Variants in SAMD5 observed in about 807,000 individuals in gnomAD.
SAMD5 encodes sterile alpha motif domain containing 5.
SAMD5 carries 13 observed loss-of-function variants against 11.3 expected under a neutral mutation model. The observed-to-expected ratio is 1.15, with a 90% CI of 0.75 to 1.83. The LOEUF (loss-of-function observed/expected upper bound fraction) is 1.83, where lower values mean the gene tolerates loss of function less well. SAMD5 is among the 40% of genes most tolerant of loss of function. The probability of loss-of-function intolerance (pLI) is 0.00; values close to 1 mark genes in which losing one functional copy is unlikely to be tolerated. For synonymous variants in SAMD5, 129 were observed against 111.3 expected (o/e 1.16, Z -1.00); for missense variants, 255 against 239.1 (o/e 1.07, Z -0.44).
Position 147,635,066 on chromosome 6 carries a change from T to C in SAMD5, c.163-102251T>C, listed in dbSNP as rs190470875. On this transcript the variant is annotated intron_variant, in intron 1 of 1. Coordinates refer to the SAMD5 transcript ENST00000566741. ...AAATGTTAAGAGTACCCATCACAGA[T>C]CACATACAAAATTTTGGCAGAGATA... Among the ~76,000 whole-genome samples, 103 of 152,298 alleles carry C rather than the reference T, an allele frequency of 6.8e-4. 1 individual carries two copies. The highest frequency in any genetic ancestry group is 2.3e-3 in the African/African-American group (94 of 41,554).
intron 1 of SAMD5, among the ~76,000 whole-genome samples, chr6:147,666,207 G>A (rs567336375): frequency 1.3e-5 from 2 of 152,330 alleles, no homozygotes; most frequent in South Asian, 4.1e-4. Flanking sequence ...GAAGTGCTCG[G>A]ATTATAGGCG....
chr6:147,763,630 G>C, the SAMD5 span, among the ~76,000 whole-genome samples: 1 of 152,086 alleles, frequency 6.6e-6, no homozygotes, highest in African/African-American at 2.4e-5. Flanking sequence ...GCCCAGGCTG[G>C]AGTGCAGTGG....
intron 1 of SAMD5, among the ~76,000 whole-genome samples, chr6:147,693,372 G>A (rs1459031556): frequency 1.3e-5 from 2 of 152,182 alleles, no homozygotes; most frequent in South Asian, 2.1e-4. Context: ...CTGTCAGGAC[G>A]CTGACAGGGC....
the SAMD5 span, among the ~76,000 whole-genome samples, chr6:147,857,341 C>CAA: frequency 3.0e-5 from 4 of 135,310 alleles, no homozygotes; most frequent in Non-Finnish European, 4.8e-5. Context: ...CTGTCTGTAC[C>CAA]AAAAAAAAAA....
chr6:147,893,639 A>T, the SAMD5 span, among the ~76,000 whole-genome samples: 1 of 152,134 alleles, frequency 6.6e-6, no homozygotes, highest in Admixed American at 6.5e-5. Context: ...GCAGCACAGG[A>T]TCTATTGACA....
chr6:147,948,278 G>GAAA, the SAMD5 span, among the ~76,000 whole-genome samples: 37 of 138,234 alleles, frequency 2.7e-4, no homozygotes, highest in Non-Finnish European at 3.9e-4. Flanking sequence ...TGCAAGGAGA[G>GAAA]AAAAAAAAAA....
chr6:147,824,061 C>G, the SAMD5 span, among the ~76,000 whole-genome samples: 1 of 152,320 alleles, frequency 6.6e-6, no homozygotes, highest in African/African-American at 2.4e-5. Context: ...AAAATGCAGA[C>G]CATCCCCTGA....
At chr6:147,830,247 CTTTCTTTTTTTTTTT>C in the SAMD5 span, among the ~76,000 whole-genome samples, 2 of 116,238 alleles carry the variant, frequency 1.7e-5, no homozygotes, top group African/African-American at 6.7e-5. Flanking sequence ...TTCTTTCTTT[CTTTCTTTTTTTTTTT>C]TTTTTTTTTT....
At chr6:147,582,230 G>A (rs531503050) in intron 1 of SAMD5, among the ~76,000 whole-genome samples, 43 of 151,998 alleles carry the variant, frequency 2.8e-4, no homozygotes, top group East Asian at 1.9e-3. Context: ...ATGGTGGTGC[G>A]CACCTGTAAT....
At chr6:147,704,156 A>G (rs1331396335) in intron 1 of SAMD5, among the ~76,000 whole-genome samples, 1 of 152,110 alleles carries the variant, frequency 6.6e-6, no homozygotes, top group Non-Finnish European at 1.5e-5. Context: ...CAGCCTCCCA[A>G]GGTGCTGGGA....
intron 1 of SAMD5, among the ~76,000 whole-genome samples, chr6:147,672,675 C>T (rs935248045): frequency 2.0e-5 from 3 of 151,980 alleles, no homozygotes; most frequent in Non-Finnish European, 4.4e-5. Flanking sequence ...CCACATCCAC[C>T]TTCCACAGAG....
At chr6:147,862,861 G>A in the SAMD5 span, among the ~76,000 whole-genome samples, 13 of 151,008 alleles carry the variant, frequency 8.6e-5, no homozygotes, top group East Asian at 2.5e-3. Context: ...TAGAAAGGAG[G>A]TTTTTTTTTG....
intron 1 of SAMD5, among the ~76,000 whole-genome samples, chr6:147,526,416 T>C (rs73580608): frequency 0.038 from 5,808 of 152,258 alleles, 378 homozygotes; most frequent in African/African-American, 0.13. Flanking sequence ...CACACACACA[T>C]CCACAGATCC....
the SAMD5 span, among the ~76,000 whole-genome samples, chr6:147,817,626 G>T: frequency 1.3e-5 from 2 of 152,250 alleles, no homozygotes; most frequent in East Asian, 3.8e-4. Flanking sequence ...TTGTAAAAAA[G>T]ATGCAACCCA....
chr6:147,903,909 GAA>G, the SAMD5 span, among the ~76,000 whole-genome samples: 6,810 of 142,230 alleles, frequency 0.048, 527 homozygotes, highest in African/African-American at 0.16. Context: ...CTCCATCTTG[GAA>G]AAAAAAAAAA....
At chr6:147,511,176 A>G (rs1788082475) in intron 1 of SAMD5, among the ~76,000 whole-genome samples, 1 of 152,216 alleles carries the variant, frequency 6.6e-6, no homozygotes, top group South Asian at 2.1e-4. Context: ...GGGCGGGGAG[A>G]GCAGGGACAC....
At chr6:147,877,082 TA>T in the SAMD5 span, among the ~76,000 whole-genome samples, 43,554 of 151,468 alleles carry the variant, frequency 0.29, 6,385 homozygotes, top group Non-Finnish European at 0.32. Flanking sequence ...GGTTTTTATT[TA>T]AAAAAAAATC....
At chr6:147,886,703 C>G in the SAMD5 span, among the ~76,000 whole-genome samples, 4 of 152,240 alleles carry the variant, frequency 2.6e-5, no homozygotes, top group South Asian at 8.3e-4. Context: ...ATGGAAAGAG[C>G]CACATAGCTT....
the SAMD5 span, among the ~76,000 whole-genome samples, chr6:147,758,784 G>A: frequency 1.3e-5 from 2 of 152,124 alleles, no homozygotes; most frequent in South Asian, 2.1e-4. Context: ...CCAGCACACC[G>A]GCCTGCTTCG....
Sources: allele counts gnomAD v4.1 joint callset (sites outside exome capture counted in the v4.1 genomes callset), GRCh38; gene constraint gnomAD v4.1.1; transcripts MANE v1.5; gene names NCBI Gene and HGNC (gene_info 2026-07-23, HGNC 2026-07-21).